The following SMYD3 variants were observed in gnomAD, a reference collection of about 807,000 sequenced individuals.
The protein encoded by SMYD3 is SET and MYND domain containing 3.
SMYD3 carries 36 observed loss-of-function variants against 57.7 expected under a neutral mutation model. That is an observed-to-expected ratio of 0.62 (90% CI 0.48 to 0.82). SMYD3 has a LOEUF of 0.82. SMYD3 is among the 40% of genes least tolerant of loss of function. SMYD3 has a pLI of 0.00. For missense variants in SMYD3, 515 were observed against 538.8 expected (o/e 0.96, Z 0.44); for synonymous variants, 211 against 195.0 (o/e 1.08, Z -0.68).
intron 5 of SMYD3, among the ~76,000 whole-genome samples, chr1:246,293,339 C>G (rs1187657848): frequency 6.6e-6 from 1 of 152,044 alleles, no homozygotes; most frequent in Non-Finnish European, 1.5e-5. Flanking sequence ...TTGCTGGCAC[C>G]CTAGAGATCT....
In SMYD3 at chr1:246,355,141, A is replaced by G; in HGVS notation, c.165-47T>C. The G allele has an allele frequency of 6.4e-7, 1 of 1,554,172 alleles. No homozygotes were observed. The highest frequency in any genetic ancestry group is 8.9e-7 in the Non-Finnish European group (1 of 1,125,478). ...CTGCATTAAGAAATGAGTGGGAAACATAGTACATAGTTGAAGAAAGAAAAC... is the reference window on the plus strand; with the variant it reads ...CTGCATTAAGAAATGAGTGGGAAACGTAGTACATAGTTGAAGAAAGAAAAC... On this transcript the variant is annotated intron_variant, in intron 1 of 11. Transcript: ENST00000490107. This position sits in a 1 kb window ranked among gnomAD's most constrained non-coding sequence, Gnocchi z 5.0.
intron 1 of SMYD3, among the ~76,000 whole-genome samples, chr1:246,481,163 G>A (rs1229464460): frequency 6.6e-6 from 1 of 152,132 alleles, no homozygotes; most frequent in Non-Finnish European, 1.5e-5. Flanking sequence ...GACTATAGAT[G>A]TAATTAATCT....
At chr1:245,825,401 T>C (rs2049426207) in intron 10 of SMYD3, among the ~76,000 whole-genome samples, 1 of 152,010 alleles carries the variant, frequency 6.6e-6, no homozygotes, top group Non-Finnish European at 1.5e-5. Flanking sequence ...GTTACTGGGA[T>C]GAGATTGGCA....
At chr1:245,900,508 T>C (rs1025660612) in intron 8 of SMYD3, among the ~76,000 whole-genome samples, 2 of 152,178 alleles carry the variant, frequency 1.3e-5, no homozygotes, top group Non-Finnish European at 2.9e-5. Flanking sequence ...TAGGGATGAC[T>C]ATGGAGGAAG....
intron 5 of SMYD3, among the ~76,000 whole-genome samples, chr1:246,237,001 T>G (rs183482422): frequency 2.2e-4 from 33 of 152,310 alleles, no homozygotes; most frequent in African/African-American, 6.7e-4. Flanking sequence ...TGGGTTTAGC[T>G]GCTACCACTT....
chr1:245,934,453 T>G (rs76836319), intron 5 of SMYD3, among the ~76,000 whole-genome samples: 2,531 of 152,322 alleles, frequency 0.017, 68 homozygotes, highest in African/African-American at 0.057. Context: ...TCCAGAATCT[T>G]CTCATAAACC....
At chr1:246,072,932 C>T (rs910339862) in intron 5 of SMYD3, among the ~76,000 whole-genome samples, 2 of 152,202 alleles carry the variant, frequency 1.3e-5, no homozygotes, top group Non-Finnish European at 2.9e-5. Context: ...TGAAGAACTG[C>T]CTTTTTTCTG....
intron 8 of SMYD3, among the ~76,000 whole-genome samples, chr1:245,864,786 T>A (rs996559916): frequency 3.3e-5 from 5 of 152,246 alleles, no homozygotes; most frequent in African/African-American, 1.2e-4. Flanking sequence ...TCAATAATGC[T>A]GATATTTTAA....
At chr1:246,488,826 G>A (rs2068226606) in intron 1 of SMYD3, among the ~76,000 whole-genome samples, 1 of 152,214 alleles carries the variant, frequency 6.6e-6, no homozygotes, top group Admixed American at 6.5e-5. Flanking sequence ...ACAGAAGACA[G>A]ATTGCAAAAG....
chr1:246,352,611 G>A (rs1451414899), intron 2 of SMYD3, among the ~76,000 whole-genome samples: 1 of 152,184 alleles, frequency 6.6e-6, no homozygotes, highest in Non-Finnish European at 1.5e-5. Context: ...CTTGCTAGCT[G>A]TTTTCCTGTT....
At chr1:245,941,045 A>G (rs2057222855) in intron 5 of SMYD3, among the ~76,000 whole-genome samples, 1 of 152,230 alleles carries the variant, frequency 6.6e-6, no homozygotes, top group Non-Finnish European at 1.5e-5. Flanking sequence ...AGCTGAACAG[A>G]CCAAGTGGAA....
At chr1:245,809,231 C>A (rs1215447520) in intron 10 of SMYD3, among the ~76,000 whole-genome samples, 1 of 152,122 alleles carries the variant, frequency 6.6e-6, no homozygotes, top group African/African-American at 2.4e-5. Flanking sequence ...ATCTGTCAGG[C>A]AAATAAGAGA....
intron 4 of SMYD3, among the ~76,000 whole-genome samples, chr1:246,329,854 T>A (rs1184179713): frequency 6.6e-6 from 1 of 152,228 alleles, no homozygotes; most frequent in African/African-American, 2.4e-5. Context: ...GCAAATTTAC[T>A]GTATGTGCCC....
intron 5 of SMYD3, among the ~76,000 whole-genome samples, chr1:246,130,552 A>G (rs2061572315): frequency 6.6e-6 from 1 of 152,226 alleles, no homozygotes; most frequent in African/African-American, 2.4e-5. Flanking sequence ...AACCTTAAGT[A>G]AAAACAGGGC....
chr1:245,802,602 C>A (rs1026841322), intron 10 of SMYD3, among the ~76,000 whole-genome samples: 18 of 152,168 alleles, frequency 1.2e-4, no homozygotes, highest in African/African-American at 4.3e-4. Context: ...TGGCTTCAGG[C>A]TATAGCCTAG....
At chr1:246,175,356 G>A (rs1443648086) in intron 5 of SMYD3, among the ~76,000 whole-genome samples, 2 of 152,126 alleles carry the variant, frequency 1.3e-5, no homozygotes, top group African/African-American at 4.8e-5. Context: ...ACCACTGGGA[G>A]AGGTTTACAA....
intron 5 of SMYD3, among the ~76,000 whole-genome samples, chr1:246,211,087 C>T (rs1236552144): frequency 1.3e-5 from 2 of 152,020 alleles, no homozygotes; most frequent in Non-Finnish European, 2.9e-5. Flanking sequence ...GTTTCACTGA[C>T]CAAACATGTT....
chr1:245,802,752 A>G (rs1177702688), intron 10 of SMYD3, among the ~76,000 whole-genome samples: 2 of 152,226 alleles, frequency 1.3e-5, no homozygotes, highest in African/African-American at 2.4e-5. Context: ...GAGAGTGAGG[A>G]ATGAATCTGC....
chr1:245,985,955 G>A (rs1030850552), intron 5 of SMYD3, among the ~76,000 whole-genome samples: 8 of 151,986 alleles, frequency 5.3e-5, no homozygotes, highest in African/African-American at 1.9e-4. Context: ...GTAAATCCTT[G>A]AATTCCTAGT....
Sources: gnomAD v4.1 joint callset for allele counts (sites outside exome capture counted in the v4.1 genomes callset) on GRCh38, gnomAD v4.1.1 for gene constraint, Gnocchi (gnomAD v3.1) non-coding constraint, MANE v1.5 for transcripts, NCBI Gene and HGNC (gene_info 2026-07-23, HGNC 2026-07-21) for gene names.